Variants in ERN1 observed in about 807,000 individuals in gnomAD.
ERN1 encodes endoplasmic reticulum to nucleus signaling 1, also known as serine/threonine-protein kinase/endoribonuclease IRE1.
Under a neutral mutation model 113.1 loss-of-function variants are expected in ERN1, and 39 were observed. That is an observed-to-expected ratio of 0.34 (90% CI 0.27 to 0.45). The LOEUF (loss-of-function observed/expected upper bound fraction) is 0.45, where lower values mean the gene tolerates loss of function less well. Among genes scored for constraint, ERN1 ranks in the 20% least tolerant of loss-of-function variants. The pLI is 1.00. For synonymous variants in ERN1, 507 were observed against 515.9 expected, an observed-to-expected ratio of 0.98 and a Z score of 0.23; for missense variants, 976 against 1,274.8, an observed-to-expected ratio of 0.77 and a Z score of 3.57.
chr17:64,057,142 G>C (rs1321012181), intron 12 of ERN1, among the ~76,000 whole-genome samples: 1 of 152,068 alleles, frequency 6.6e-6, no homozygotes, highest in African/African-American at 2.4e-5. Context: ...CTTCTCCCCA[G>C]CAGAAGTTCT....
chr17:64,065,196 G>T lies in ERN1; in HGVS notation c.921+13C>A. 1.3e-6 allele frequency: 2 copies of T among 1,595,456 alleles called. No homozygotes were observed. The highest frequency in any genetic ancestry group is 1.1e-5 in the South Asian group (1 of 88,244). Reference sequence around the variant, plus strand: ...GTGGTTAGGCAGCTGCGAGCCCTCCGTAGTGGACTTACCACGACAGCAACC... The same window carrying T: ...GTGGTTAGGCAGCTGCGAGCCCTCCTTAGTGGACTTACCACGACAGCAACC... On this transcript the variant is annotated intron_variant, in intron 9 of 21. Transcript: ENST00000433197.
chr17:64,091,995 C>A (rs777247490), intron 2 of ERN1, among the ~76,000 whole-genome samples: 1 of 152,160 alleles, frequency 6.6e-6, no homozygotes, highest in Non-Finnish European at 1.5e-5. Flanking sequence ...CTATAGACAA[C>A]ACCAAGAGCA....
chr17:64,104,058 G>A (rs1471283479), intron 1 of ERN1, among the ~76,000 whole-genome samples: 1 of 151,808 alleles, frequency 6.6e-6, no homozygotes, highest in Admixed American at 6.6e-5. Flanking sequence ...GTGCAATATA[G>A]GGAGACCCCA....
Position 64,074,521 on chromosome 17 carries a change from C to T in ERN1, c.355+654G>A, listed in dbSNP as rs1913527564. Among the ~76,000 whole-genome samples, 3 of 152,336 alleles carry T rather than the reference C, an allele frequency of 2.0e-5. 1 individual carries two copies. The highest frequency in any genetic ancestry group is 4.1e-4 in the South Asian group (2 of 4,832). ...GGCCTGCACTTGAGACCCAGAAATA[C>T]ACATAAAGCTCCTCGAGGCATGAAT... On this transcript the variant is annotated intron_variant, in intron 5 of 21. Transcript: ENST00000433197.
At chr17:64,080,632 A>G in intron 3 of ERN1, 143 bp downstream of exon 3, 1 of 687,368 alleles carries the variant, frequency 1.5e-6, no homozygotes, top group Non-Finnish European at 2.4e-6. Flanking sequence ...CTTTCATCAT[A>G]GCACCTGTAA....
chr17:64,078,488 C>A (rs1203540240), intron 4 of ERN1, among the ~76,000 whole-genome samples: 3 of 152,008 alleles, frequency 2.0e-5, no homozygotes, highest in Non-Finnish European at 4.4e-5. Context: ...TGATTTTTTC[C>A]TAAATTTATA....
At chr17:64,093,088 C>T (rs1009953259) in intron 2 of ERN1, among the ~76,000 whole-genome samples, 1 of 151,948 alleles carries the variant, frequency 6.6e-6, no homozygotes, top group East Asian at 1.9e-4. Context: ...AACTACAACA[C>T]GTTTGGCTGA....
chr17:64,083,294 A>C (rs8078263), intron 2 of ERN1, among the ~76,000 whole-genome samples: 7,235 of 152,286 alleles, frequency 0.048, 589 homozygotes, highest in African/African-American at 0.16. Flanking sequence ...AAAGTCAGCA[A>C]AAATAAAAAG....
intron 4 of ERN1, among the ~76,000 whole-genome samples, chr17:64,077,560 AC>A (rs2143403475): frequency 6.6e-6 from 1 of 152,244 alleles, no homozygotes; most frequent in African/African-American, 2.4e-5. Context: ...GTTTTGCTCA[AC>A]ATCACGCTTG....
Position 64,044,931 on chromosome 17 carries a change from G to A in ERN1, c.2654-4C>T. 6.3e-7 allele frequency: 1 copy of A among 1,580,612 alleles called. No individual in the cohort carries two copies. Among genetic ancestry groups the A allele is most frequent in the South Asian group, 1.2e-5 (1 of 86,702 alleles). On this transcript the variant is annotated splice_region_variant and splice_polypyrimidine_tract_variant and intron_variant, in intron 20 of 21. Coordinates refer to ENST00000433197, the MANE Select transcript of ERN1 (RefSeq NM_001433.5). This position sits in a 1 kb window ranked among gnomAD's most constrained non-coding sequence, Gnocchi z 4.1. The stretch of plus-strand genomic sequence containing the variant: ...TAGGTCCTGAATTTACGCAGGTCTA[G>A]AAAAACATTGAGGGAAGCAATGGGT...
At chr17:64,077,581 C>T (rs1408060744) in intron 4 of ERN1, among the ~76,000 whole-genome samples, 3 of 152,192 alleles carry the variant, frequency 2.0e-5, no homozygotes, top group Middle Eastern at 3.4e-3. Flanking sequence ...GTGAGTCATC[C>T]GCGGCGTGTG....
intron 4 of ERN1, 87 bp from the exon 5 acceptor site, chr17:64,075,334 C>T: frequency 5.3e-6 from 6 of 1,135,582 alleles, no homozygotes; most frequent in South Asian, 1.5e-5. Flanking sequence ...TTTCTATTAC[C>T]TAATTCTGCT....
At chr17:64,099,243 T>A (rs1914315299) in intron 1 of ERN1, among the ~76,000 whole-genome samples, 1 of 151,998 alleles carries the variant, frequency 6.6e-6, no homozygotes, top group African/African-American at 2.4e-5. Flanking sequence ...ATCCAAGATT[T>A]GATATCCACT....
intron 1 of ERN1, among the ~76,000 whole-genome samples, chr17:64,126,366 A>G (rs1193788968): frequency 6.6e-6 from 1 of 152,218 alleles, no homozygotes; most frequent in Non-Finnish European, 1.5e-5. Flanking sequence ...TGAAAATGAA[A>G]CAGTTATCCA....
intron 1 of ERN1, 139 bp downstream of exon 1, chr17:64,129,837 C>A: frequency 1.3e-6 from 1 of 772,818 alleles, no homozygotes; most frequent in East Asian, 3.4e-5. Flanking sequence ...CCCGAGCCTC[C>A]CACGGCTGGG....
intron 2 of ERN1, among the ~76,000 whole-genome samples, chr17:64,092,904 C>T (rs1914128487): frequency 6.6e-6 from 1 of 152,182 alleles, no homozygotes; most frequent in Admixed American, 6.5e-5. Flanking sequence ...ATATATTCAA[C>T]TCTATTCACT....
intron 11 of ERN1, among the ~76,000 whole-genome samples, chr17:64,060,258 T>C (rs1352780807): frequency 2.0e-5 from 3 of 152,174 alleles, no homozygotes; most frequent in South Asian, 2.1e-4. Flanking sequence ...CCTAGCTTGG[T>C]CCTGCTGCCT....
At chr17:64,057,737 A>G (rs1194179664) in intron 12 of ERN1, 65 bp downstream of exon 12, 6 of 1,432,016 alleles carry the variant, frequency 4.2e-6, no homozygotes, top group Admixed American at 1.7e-5. Flanking sequence ...TCTCACTGAC[A>G]TGAGGCGACA....
intron 1 of ERN1, among the ~76,000 whole-genome samples, chr17:64,103,688 C>T (rs1914447119): frequency 6.6e-6 from 1 of 152,118 alleles, no homozygotes; most frequent in Non-Finnish European, 1.5e-5. Context: ...ATTGTTAGGG[C>T]TCTTCCATTA....
Sources: allele counts gnomAD v4.1 joint callset (sites outside exome capture counted in the v4.1 genomes callset), GRCh38; gene constraint gnomAD v4.1.1; non-coding constraint Gnocchi (gnomAD v3.1); transcripts MANE v1.5; gene names NCBI Gene and HGNC (gene_info 2026-07-23, HGNC 2026-07-21).